RNASEH1: variants seen among roughly 807,000 people sequenced by gnomAD.
The protein encoded by RNASEH1 is ribonuclease H1, also known as ribonuclease H type II.
RNASEH1 carries 27 observed loss-of-function variants against 34.6 expected under a neutral mutation model. That is an observed-to-expected ratio of 0.78 (90% confidence interval 0.58 to 1.08). The LOEUF (loss-of-function observed/expected upper bound fraction) is 1.08, where lower values mean the gene tolerates loss of function less well. RNASEH1 is among the 50% of genes least tolerant of loss of function. The pLI is 0.00. For missense variants in RNASEH1, 349 were observed against 373.6 expected, an observed-to-expected ratio of 0.93 and a Z score of 0.54; for synonymous variants, 162 against 138.4, an observed-to-expected ratio of 1.17 and a Z score of -1.20.
At chr2:3,553,197 G>A (rs1236540698) in intron 2 of RNASEH1, among the ~76,000 whole-genome samples, 3 of 151,690 alleles carry the variant, frequency 2.0e-5, no homozygotes, top group Admixed American at 2.0e-4. Flanking sequence ...ACAGTGAGCG[G>A]AGATCGCGCC....
chr2:3,555,602 C>T (rs1239702826), intron 2 of RNASEH1, among the ~76,000 whole-genome samples: 1 of 152,208 alleles, frequency 6.6e-6, no homozygotes, highest in Non-Finnish European at 1.5e-5. Context: ...GTTCAAGCAT[C>T]TCAGTGGCCT....
intron 3 of RNASEH1, 40 bp from the exon 4 acceptor site, chr2:3,550,512 C>T (rs774334258): frequency 7.3e-6 from 11 of 1,509,254 alleles, no homozygotes; most frequent in Non-Finnish European, 1.0e-5. Context: ...GCTGACCTTA[C>T]TAAAAACTGA....
At chr2:3,550,183 C>G in intron 4 of RNASEH1, 190 bp downstream of exon 4, 1 of 475,816 alleles carries the variant, frequency 2.1e-6, no homozygotes, top group Non-Finnish European at 3.8e-6. Context: ...GGAAGTAAAG[C>G]TGAGGTACCT....
intron 4 of RNASEH1, among the ~76,000 whole-genome samples, chr2:3,549,655 C>T (rs1041563026): frequency 2.7e-5 from 4 of 149,368 alleles, no homozygotes; most frequent in Admixed American, 6.7e-5. Context: ...TTGAGCCCAG[C>T]CTGGGCAACA....
At chr2:3,532,322 A>C in the RNASEH1 span, 3 of 702,396 alleles carry the variant, frequency 4.3e-6, no homozygotes, top group East Asian at 8.0e-5. Context: ...TGTGGGAACA[A>C]GAAATAATGG....
downstream of RNASEH1, among the ~76,000 whole-genome samples, chr2:3,537,211 T>C (rs1371084719): frequency 6.6e-6 from 1 of 152,168 alleles, no homozygotes; most frequent in Non-Finnish European, 1.5e-5. Flanking sequence ...CACTGTGCCA[T>C]GTCACAGAGT....
At chr2:3,533,292 A>C in the RNASEH1 span, 1 of 152,258 alleles carries the variant, frequency 6.6e-6, no homozygotes, top group Non-Finnish European at 1.5e-5. Context: ...AAACCAGCGG[A>C]AAGCAGCCCA....
chr2:3,541,110 C>T (rs1201536517), downstream of RNASEH1, among the ~76,000 whole-genome samples: 1 of 152,032 alleles, frequency 6.6e-6, no homozygotes, highest in African/African-American at 2.4e-5. Flanking sequence ...AGGCGGATCA[C>T]GAGGTCAGGA....
chr2:3,539,641 C>T (rs1184120228), downstream of RNASEH1, among the ~76,000 whole-genome samples: 2 of 152,094 alleles, frequency 1.3e-5, no homozygotes, highest in African/African-American at 4.8e-5. Context: ...ACGACCACCA[C>T]GATCATTGCT....
intron 1 of RNASEH1, 75 bp from the exon 2 acceptor site, chr2:3,556,979 T>C: frequency 8.8e-7 from 1 of 1,136,000 alleles, no homozygotes; most frequent in Non-Finnish European, 1.3e-6. Context: ...TTCTTAAGGT[T>C]GGAAATACAG....
chr2:3,539,009 A>G (rs145042416), downstream of RNASEH1, among the ~76,000 whole-genome samples: 395 of 152,304 alleles, frequency 2.6e-3, no homozygotes, highest in African/African-American at 9.3e-3. Flanking sequence ...CTTTTTCTGT[A>G]AACAATTTGG....
intron 2 of RNASEH1, among the ~76,000 whole-genome samples, chr2:3,552,558 ACC>A (rs1405968571): frequency 2.4e-3 from 45 of 19,006 alleles, no homozygotes; most frequent in African/African-American, 1.0e-2. Context: ...TCCCCTCCAC[ACC>A]ACCACCACCC....
rs770796580 is a variant in RNASEH1 at position 3,550,507 on chromosome 2, C to T, written c.410-35G>A. The T allele has an allele frequency of 3.2e-6, 5 of 1,542,854 alleles. No individual in the cohort carries two copies. In the Admixed American group the frequency reaches 8.4e-5, roughly 26 times the overall value. On this transcript the variant is annotated intron_variant, in intron 3 of 7. Coordinates refer to ENST00000315212, the MANE Select transcript of RNASEH1 (RefSeq NM_002936.6). ...AAGGAAGTACATGCTGCTGGGCTGACCTTACTAAAAACTGAAATTCACCTC... is the reference window on the plus strand; with the variant it reads ...AAGGAAGTACATGCTGCTGGGCTGATCTTACTAAAAACTGAAATTCACCTC...
rs1049586686 is a variant in RNASEH1 at position 3,544,456 on chromosome 2, T to A, written c.*1329A>T. ...ACGGGACTGCAAATGGACACTGAAG[T>A]AGATAAAAAAATAAACAAAAAAAAG... On this transcript the variant is annotated 3_prime_UTR_variant, in exon 8 of 8. Coordinates refer to ENST00000315212, the MANE Select transcript of RNASEH1 (RefSeq NM_002936.6). Among the ~76,000 whole-genome samples, 7 of 151,604 alleles carry A rather than the reference T, an allele frequency of 4.6e-5. No individual in the cohort carries two copies. Among genetic ancestry groups the A allele is most frequent in the African/African-American group, 1.7e-4 (7 of 41,208 alleles).
rs967748343 is a variant in RNASEH1, at chr2:3,557,836, C to T, written c.128+297G>A. The T allele has an allele frequency of 2.9e-6, 4 of 1,379,370 alleles. No individual in the cohort carries two copies. In the Admixed American group the frequency reaches 8.6e-5, roughly 30 times the overall value. The allele number at this position is 1,379,370 out of a possible 1,614,324, so 85.4% of individuals were successfully genotyped here. ...TCTGATTACGTGTCACTTTTTGTTG[C>T]ACTTTAACTGCAACAAAGATGGAGG... On this transcript the variant is annotated intron_variant, in intron 1 of 7. Coordinates refer to ENST00000315212, the MANE Select transcript of RNASEH1 (RefSeq NM_002936.6).
At chr2:3,557,992 AGGCG>A in intron 1 of RNASEH1, 137 bp downstream of exon 1, 1 of 1,488,224 alleles carries the variant, frequency 6.7e-7, no homozygotes, top group Non-Finnish European at 9.0e-7. Context: ...CAGGAAAACG[AGGCG>A]GTCCCCCGAC....
downstream of RNASEH1, among the ~76,000 whole-genome samples, chr2:3,539,703 T>C (rs984531845): frequency 6.6e-6 from 1 of 152,152 alleles, no homozygotes; most frequent in Non-Finnish European, 1.5e-5. Context: ...CTCATCACGT[T>C]ATTAAAAAAG....
the RNASEH1 span, among the ~76,000 whole-genome samples, chr2:3,535,500 A>G: frequency 6.6e-6 from 1 of 151,990 alleles, no homozygotes; most frequent in Admixed American, 6.6e-5. Context: ...TTAGAAATCA[A>G]TTTTTTACAA....
In RNASEH1 at chr2:3,550,365, T is replaced by C. The variant is rs373274449; in HGVS notation, c.509+8A>G. 3 of 1,606,870 alleles carry C rather than the reference T, an allele frequency of 1.9e-6. No individual in the cohort carries two copies. Among genetic ancestry groups the C allele is most frequent in the Non-Finnish European group, 2.6e-6 (3 of 1,173,576 alleles). ...TGATTCAGTAAAACTCAGCTTCGTT[T>C]AACTTACAAAGGATGGCCTGGCCCC... On this transcript the variant is annotated splice_region_variant and intron_variant, in intron 4 of 7. Coordinates refer to ENST00000315212, the MANE Select transcript of RNASEH1 (RefSeq NM_002936.6).
Sources: gnomAD v4.1 joint callset for allele counts (sites outside exome capture counted in the v4.1 genomes callset) on GRCh38, gnomAD v4.1.1 for gene constraint, MANE v1.5 for transcripts, NCBI Gene and HGNC (gene_info 2026-07-23, HGNC 2026-07-21) for gene names.